NCK2: variants seen among roughly 807,000 people sequenced by gnomAD.
The protein encoded by NCK2 is cytoplasmic protein NCK2.
A neutral mutation model predicts 33.9 loss-of-function variants in NCK2; 16 were observed. The observed-to-expected ratio is 0.47, with a 90% CI of 0.32 to 0.72. The LOEUF (loss-of-function observed/expected upper bound fraction) is 0.72. Among genes scored for constraint, NCK2 ranks in the 30% least tolerant of loss-of-function variants. The pLI is 0.03. For missense variants in NCK2, 418 were observed against 537.3 expected, an observed-to-expected ratio of 0.78 and a Z score of 2.19; for synonymous variants, 273 against 239.9, an observed-to-expected ratio of 1.14 and a Z score of -1.27.
At chr2:105,746,251 C>G (rs1689283447) in intron 1 of NCK2, among the ~76,000 whole-genome samples, 1 of 152,174 alleles carries the variant, frequency 6.6e-6, no homozygotes, top group African/African-American at 2.4e-5. Context: ...AGGAGGGGGC[C>G]TAAAATATCG....
intron 2 of NCK2, among the ~76,000 whole-genome samples, chr2:105,837,232 G>T (rs1455609664): frequency 1.3e-5 from 2 of 152,138 alleles, no homozygotes; most frequent in East Asian, 1.9e-4. Context: ...TGCTGGGTGT[G>T]TCTCTAGTAG....
intron 1 of NCK2, among the ~76,000 whole-genome samples, chr2:105,788,725 A>G (rs753485481): frequency 6.6e-6 from 1 of 152,072 alleles, no homozygotes; most frequent in Non-Finnish European, 1.5e-5. Flanking sequence ...TAGAATGCAT[A>G]ATTTTTTTTG....
intron 2 of NCK2, among the ~76,000 whole-genome samples, chr2:105,818,705 T>C (rs961639313): frequency 6.6e-6 from 1 of 152,178 alleles, no homozygotes; most frequent in African/African-American, 2.4e-5. Context: ...AAAACTTTAA[T>C]TTGCTTCTAT....
At chr2:105,892,775 G>A (rs146792010) in intron 4 of NCK2, among the ~76,000 whole-genome samples, 1,653 of 152,016 alleles carry the variant, frequency 0.011, 25 homozygotes, top group African/African-American at 0.038. Context: ...GAACCCGTGA[G>A]GCGGAGGTTG....
At chr2:105,884,179 C>T (rs377758060) in intron 4 of NCK2, among the ~76,000 whole-genome samples, 6 of 152,336 alleles carry the variant, frequency 3.9e-5, no homozygotes, top group African/African-American at 1.4e-4. Context: ...CAGCTGTCAT[C>T]TGTGACTACC....
chr2:105,865,520 G>C (rs1268893767), intron 3 of NCK2, among the ~76,000 whole-genome samples: 1 of 152,164 alleles, frequency 6.6e-6, no homozygotes, highest in Non-Finnish European at 1.5e-5. Flanking sequence ...CCACACGACT[G>C]TTGAGGTTAT....
In NCK2 at chr2:105,869,605, C is replaced by T. The variant is rs149823358; in HGVS notation, c.227-11723C>T. ...AATGTGCTGTCTCTTTTTGTGTATT[C>T]GTCACATTTCACTTTCCTGAGCAGG... On this transcript the variant is annotated intron_variant, in intron 3 of 4. Transcript: ENST00000233154. Among the ~76,000 whole-genome samples the T allele has an allele frequency of 1.2e-4, 18 of 152,270 alleles. 1 individual carries two copies. The highest frequency in any genetic ancestry group is 9.2e-4 in the Admixed American group (14 of 15,294).
intron 1 of NCK2, among the ~76,000 whole-genome samples, chr2:105,784,291 C>T (rs943195600): frequency 6.6e-6 from 1 of 152,186 alleles, no homozygotes. Flanking sequence ...AGGAAGTTGC[C>T]ATCCCTTTTC....
At chr2:105,798,106 G>T (rs984981209) in intron 1 of NCK2, among the ~76,000 whole-genome samples, 3 of 152,140 alleles carry the variant, frequency 2.0e-5, no homozygotes, top group Non-Finnish European at 1.5e-5. Flanking sequence ...ATGTGTTTTT[G>T]AACATAAGTA....
At chr2:105,807,893 A>ATC (rs1449242551) in intron 1 of NCK2, among the ~76,000 whole-genome samples, 1 of 113,510 alleles carries the variant, frequency 8.8e-6, no homozygotes, top group East Asian at 2.5e-4. Context: ...CCTTCTCTCT[A>ATC]TCTCTCTCTC....
chr2:105,778,985 C>T (rs1690399207), intron 1 of NCK2, among the ~76,000 whole-genome samples: 1 of 151,760 alleles, frequency 6.6e-6, no homozygotes, highest in Admixed American at 6.6e-5. Context: ...AATGTTAAAA[C>T]AAATAATTGA....
At chr2:105,879,219 TC>T (rs1678361673) in intron 3 of NCK2, among the ~76,000 whole-genome samples, 1 of 152,238 alleles carries the variant, frequency 6.6e-6, no homozygotes, top group South Asian at 2.1e-4. Flanking sequence ...CAATGTTATT[TC>T]TTGACATCAT....
intron 1 of NCK2, among the ~76,000 whole-genome samples, chr2:105,784,752 G>C (rs141108869): frequency 6.6e-6 from 1 of 152,092 alleles, no homozygotes; most frequent in Admixed American, 6.5e-5. Context: ...AGGTCCATCC[G>C]TTCCTCAGCA....
intron 3 of NCK2, chr2:105,856,599 A>G (rs570713940): frequency 1.5e-4 from 23 of 152,230 alleles, no homozygotes; most frequent in African/African-American, 5.5e-4. Context: ...AAAAGTCTAA[A>G]CTCCCTCTGC....
At chr2:105,750,244 A>G (rs1573549215) in intron 1 of NCK2, among the ~76,000 whole-genome samples, 1 of 152,006 alleles carries the variant, frequency 6.6e-6, no homozygotes, top group East Asian at 1.9e-4. Flanking sequence ...GTGCACTGAG[A>G]GAGAGGTCTG....
At chr2:105,776,839 C>T (rs1690320500) in intron 1 of NCK2, among the ~76,000 whole-genome samples, 1 of 151,900 alleles carries the variant, frequency 6.6e-6, no homozygotes, top group African/African-American at 2.4e-5. Flanking sequence ...TACTGCTGAC[C>T]TCACTTTTCA....
intron 2 of NCK2, among the ~76,000 whole-genome samples, chr2:105,835,388 C>CGTATATATATGTATATATATATAT: frequency 1.9e-5 from 1 of 52,102 alleles, no homozygotes; most frequent in African/African-American, 7.3e-5. Flanking sequence ...TATATATACA[C>CGTATATATATGTATATATATATAT]ATATATATAT....
In NCK2 at chr2:105,785,981, G is replaced by A. The variant is rs1222492314; in HGVS notation, c.-200-30449G>A. 3.3e-5 allele frequency among the ~76,000 whole-genome samples: 5 copies of A among 152,106 alleles called. No individual in the cohort carries two copies. The South Asian group carries it at 8.3e-4, about 25-fold the overall frequency. ...ACTTAATACCTTTTGCCTGTTTTTT[G>A]TGTTTTCGTAAACGTGTGTGTGTCC... On this transcript the variant is annotated intron_variant, in intron 1 of 4. Transcript: ENST00000233154.
intron 2 of NCK2, among the ~76,000 whole-genome samples, chr2:105,836,543 G>T (rs760000718): frequency 3.3e-5 from 5 of 152,188 alleles, no homozygotes; most frequent in Non-Finnish European, 7.3e-5. Flanking sequence ...AAAGTTGTTG[G>T]TGGAGGTAGT....
Sources: allele counts gnomAD v4.1 joint callset (sites outside exome capture counted in the v4.1 genomes callset), GRCh38; gene constraint gnomAD v4.1.1; transcripts MANE v1.5; gene names NCBI Gene and HGNC (gene_info 2026-07-23, HGNC 2026-07-21).